Variants in RUSF1 observed in about 807,000 individuals in gnomAD.
The protein encoded by RUSF1 is RUS family member 1, also known as RUS1 family protein C16orf58.
RUSF1 carries 58 observed loss-of-function variants against 63.0 expected under a neutral mutation model. The ratio of observed to expected loss-of-function variants is 0.92; its 90% CI spans 0.75 to 1.15. The LOEUF (loss-of-function observed/expected upper bound fraction) is 1.15. RUSF1 is among the 50% of genes most tolerant of loss of function. The pLI is 0.00. For synonymous variants in RUSF1, 274 were observed against 255.8 expected (o/e 1.07, Z -0.68); for missense variants, 652 against 611.0 (o/e 1.07, Z -0.71).
At chr16:31,497,544 C>T (rs1322598650) in intron 5 of RUSF1, among the ~76,000 whole-genome samples, 2 of 150,962 alleles carry the variant, frequency 1.3e-5, no homozygotes, top group African/African-American at 4.8e-5. Flanking sequence ...CCTGTGTTGC[C>T]CAGGCGGGCC....
At chr16:31,502,893 G>C (rs563955732) in intron 2 of RUSF1, among the ~76,000 whole-genome samples, 2 of 152,374 alleles carry the variant, frequency 1.3e-5, no homozygotes, top group East Asian at 1.9e-4. Context: ...GCCTTCCGAA[G>C]TGTTGGGATT....
Position 31,489,954 on chromosome 16 carries a change from G to A in RUSF1, c.*881C>T, listed in dbSNP as rs2082546329. ...CGAGGGCACAGGGCAGCCATGTAGG[G>A]TGGAGTTGGCATGAGTTAAGCCTGG... On this transcript the variant is annotated 3_prime_UTR_variant, in exon 13 of 13. Coordinates refer to ENST00000327237, the MANE Select transcript of RUSF1 (RefSeq NM_022744.4). 1.0e-6 allele frequency: 1 copy of A among 999,216 alleles called. No individual in the cohort carries two copies. The highest frequency in any genetic ancestry group is 1.5e-6 in the Non-Finnish European group (1 of 650,806). The allele number at this position is 999,216 out of a possible 1,614,324, so 61.9% of individuals were successfully genotyped here.
At chr16:31,507,698 A>C in intron 2 of RUSF1, 66 bp downstream of exon 2, 1 of 1,435,486 alleles carries the variant, frequency 7.0e-7, no homozygotes, top group Non-Finnish European at 9.6e-7. Flanking sequence ...ACATATATAC[A>C]CATAAGAGCC....
At chr16:31,491,673 C>G (rs1007999369) in intron 12 of RUSF1, among the ~76,000 whole-genome samples, 1 of 145,650 alleles carries the variant, frequency 6.9e-6, no homozygotes, top group Admixed American at 7.0e-5. Context: ...CAGGCTGGTA[C>G]AATCATGGCT....
At position 31,492,312 on chromosome 16, in the gene RUSF1, C is replaced by A; in HGVS notation, c.1116G>T (p.Lys372Asn). The change falls in exon 11 of 13, where the codon AAG becomes AAT. Residue 372 changes from lysine to asparagine, a missense_variant. Lys to Asn is a moderately conservative substitution (Grantham distance 94). Coordinates refer to ENST00000327237, the MANE Select transcript of RUSF1 (RefSeq NM_022744.4). ...QNQVQVVLNQ[K>N]AGPKTILRAA... ...CCCTTAGGATGGTCTTGGGGCCTGC[C>A]TTCTGGTTCAGAACTACCTGTACCT... 1 of 1,594,982 alleles carries A rather than the reference C, an allele frequency of 6.3e-7. No individual in the cohort carries two copies. Among genetic ancestry groups the A allele is most frequent in the Non-Finnish European group, 8.5e-7 (1 of 1,170,900 alleles).
intron 2 of RUSF1, among the ~76,000 whole-genome samples, chr16:31,503,852 G>A (rs1005740966): frequency 6.6e-6 from 1 of 152,132 alleles, no homozygotes; most frequent in African/African-American, 2.4e-5. Flanking sequence ...AGTAGAGAGG[G>A]GGTTTCTCCA....
At chr16:31,495,724 TGA>T (rs2082598703) in intron 6 of RUSF1, among the ~76,000 whole-genome samples, 1 of 151,974 alleles carries the variant, frequency 6.6e-6, no homozygotes, top group Non-Finnish European at 1.5e-5. Flanking sequence ...CCGAGCATCC[TGA>T]GAGAAGGGAC....
In RUSF1 at chr16:31,490,058, T is replaced by TG. The variant is rs781385283; in HGVS notation, c.*776dup. On this transcript the variant is annotated 3_prime_UTR_variant, in exon 13 of 13. Transcript: ENST00000327237. ...GTGCAAGAGACTTTAGGGCCAGGCA[T>TG]GGGGGGACAGAACTCCCACCTCGTT... 30 of 1,610,880 alleles carry TG rather than the reference T, an allele frequency of 1.9e-5. No individual in the cohort carries two copies. Among genetic ancestry groups the TG allele is most frequent in the Non-Finnish European group, 2.5e-5 (29 of 1,179,612 alleles).
At position 31,493,882 on chromosome 16, in the gene RUSF1, C is replaced by A. The variant is rs143200950; in HGVS notation, c.757G>T (p.Val253Leu). The part of the protein sequence containing the change: ...LLVSLLMLPL[V>L]SGCPGFSLGC... ...CCGGCTTACCCAGGGCAACCTGACA[C>A]CAGAGGGAGCATCAGGAGGCTGACC... Residue 253 changes from valine to leucine, a missense_variant, in exon 7 of 13, where the codon GTG (valine) becomes TTG (leucine). Coordinates refer to ENST00000327237, the MANE Select transcript of RUSF1 (RefSeq NM_022744.4). 33 of 1,614,070 alleles carry A rather than the reference C, an allele frequency of 2.0e-5. No individual in the cohort carries two copies. In the African/African-American group the frequency reaches 4.1e-4, roughly 20 times the overall value.
intron 3 of RUSF1, 71 bp downstream of exon 3, chr16:31,500,615 A>G: frequency 2.0e-6 from 3 of 1,532,166 alleles, no homozygotes; most frequent in Non-Finnish European, 2.7e-6. Flanking sequence ...ATTAATGGCA[A>G]TACTATTACT....
intron 2 of RUSF1, among the ~76,000 whole-genome samples, chr16:31,505,676 C>T (rs1020500633): frequency 2.0e-5 from 3 of 152,086 alleles, no homozygotes; most frequent in Admixed American, 6.6e-5. Flanking sequence ...ACATTCATAA[C>T]GGAACAAGAA....
rs200739085 is a variant in RUSF1 at position 31,499,319 on chromosome 16, T to C, written c.583A>G (p.Thr195Ala). 5 of 1,613,800 alleles carry C rather than the reference T, an allele frequency of 3.1e-6. No homozygotes were observed. The East Asian group carries it at 1.1e-4, about 36-fold the overall frequency. ...YPICFTMTVS[T>A]SNLAKCIVSV... ...GCAGCTACCTTGGCTAGGTTGCTGGTGGAGACGGTCATGGTGAAACAGATT... is the reference window on the plus strand; with the variant it reads ...GCAGCTACCTTGGCTAGGTTGCTGGCGGAGACGGTCATGGTGAAACAGATT... The change falls in exon 5 of 13, where the codon ACC becomes GCC. Residue 195 changes from threonine to alanine, a missense_variant. Transcript: ENST00000327237.
chr16:31,493,370 CAG>C, intron 9 of RUSF1, 95 bp downstream of exon 9: 1 of 1,444,858 alleles, frequency 6.9e-7, no homozygotes, highest in Non-Finnish European at 9.5e-7. Context: ...GAACCCAGGA[CAG>C]AGAGGTGGGG....
rs1038631827 is a variant in RUSF1, at chr16:31,494,583, A to G, written c.703-647T>C. 6.6e-5 allele frequency among the ~76,000 whole-genome samples: 10 copies of G among 152,204 alleles called. No individual in the cohort carries two copies. The East Asian group carries it at 1.4e-3, about 21-fold the overall frequency. On this transcript the variant is annotated intron_variant, in intron 6 of 12. Coordinates refer to ENST00000327237, the MANE Select transcript of RUSF1 (RefSeq NM_022744.4). ...ACTCCAGCCTGGGAGACACAGTGAT[A>G]CCCTGTCTAAATACATATGTGTATC...
intron 6 of RUSF1, among the ~76,000 whole-genome samples, chr16:31,495,953 C>T (rs895684906): frequency 1.3e-5 from 2 of 152,184 alleles, no homozygotes; most frequent in South Asian, 2.1e-4. Context: ...AGTAGGAATG[C>T]ACAGAACAGC....
intron 9 of RUSF1, 25 bp downstream of exon 9, chr16:31,493,442 G>C (rs373428929): frequency 1.3e-6 from 2 of 1,578,726 alleles, no homozygotes; most frequent in South Asian, 2.3e-5. Flanking sequence ...CGGTGGTGAC[G>C]AGCGGGAGAC....
chr16:31,489,489 TTTTTA>T lies in RUSF1; in HGVS notation c.*1341_*1345del. 1.4e-6 allele frequency: 1 copy of T among 712,002 alleles called. No individual in the cohort carries two copies. Among genetic ancestry groups the T allele is most frequent in the Non-Finnish European group, 2.4e-6 (1 of 412,262 alleles). 44.1% of individuals were successfully genotyped at this position (712,002 alleles called of 1,614,324 possible). On this transcript the variant is annotated 3_prime_UTR_variant, in exon 13 of 13. Coordinates refer to ENST00000327237, the MANE Select transcript of RUSF1 (RefSeq NM_022744.4). ...TGCAGTTGCAATTGCCGAGCAAGAA[TTTTTA>T]TTTAAATACATTTATTTGAACCGGC...
intron 10 of RUSF1, 80 bp from the exon 11 acceptor site, chr16:31,492,420 T>C: frequency 6.9e-7 from 1 of 1,451,040 alleles, no homozygotes; most frequent in Non-Finnish European, 9.1e-7. Context: ...CTGCTTCCCC[T>C]GTCTGCCCCA....
In RUSF1 at chr16:31,490,273, C is replaced by G. The variant is rs2082551698; in HGVS notation, c.*562G>C. The G allele has an allele frequency of 9.9e-6, 16 of 1,613,804 alleles. No individual in the cohort carries two copies. Among genetic ancestry groups the G allele is most frequent in the Non-Finnish European group, 1.4e-5 (16 of 1,179,878 alleles). On this transcript the variant is annotated 3_prime_UTR_variant, in exon 13 of 13. Transcript: ENST00000327237. ...GAGGTGGGGCTGGAGGAGCTGAGTT[C>G]CCGCAAACTAACTGCAGGGCCTCAA...
Sources: gnomAD v4.1 joint callset for allele counts (sites outside exome capture counted in the v4.1 genomes callset) on GRCh38, gnomAD v4.1.1 for gene constraint, MANE v1.5 for transcripts, NCBI Gene and HGNC (gene_info 2026-07-23, HGNC 2026-07-21) for gene names.